The following SCGN variants were observed in gnomAD, a reference collection of about 807,000 sequenced individuals.
SCGN encodes the protein secretagogin.
In SCGN, 30 loss-of-function variants were observed where a neutral mutation model predicts 39.7. The ratio of observed to expected loss-of-function variants is 0.76; its 90% confidence interval spans 0.57 to 1.03. SCGN has a LOEUF of 1.03. Among genes scored for constraint, SCGN ranks in the 50% least tolerant of loss-of-function variants. SCGN has a pLI of 0.00. For synonymous variants in SCGN, 106 were observed against 114.1 expected, an observed-to-expected ratio of 0.93 and a Z score of 0.45; for missense variants, 353 against 349.4, an observed-to-expected ratio of 1.01 and a Z score of -0.08.
At chr6:25,681,485 T>C (rs759397019) in intron 6 of SCGN, among the ~76,000 whole-genome samples, 4 of 152,240 alleles carry the variant, frequency 2.6e-5, no homozygotes, top group African/African-American at 9.6e-5. Context: ...TCCAAATAAT[T>C]AGTTTTCCTC....
chr6:25,669,229 A>G lies in SCGN; in HGVS notation c.337-282A>G, dbSNP rs180682397. On this transcript the variant is annotated intron_variant, in intron 4 of 10. Transcript: ENST00000377961. ...GAAGTTCATCCCTTTTTATATTTCCATTCTGAGCTTTCCAAAAGGACACTT... is the reference window on the plus strand; with the variant it reads ...GAAGTTCATCCCTTTTTATATTTCCGTTCTGAGCTTTCCAAAAGGACACTT... Among the ~76,000 whole-genome samples, 224 of 151,996 alleles carry G rather than the reference A, an allele frequency of 1.5e-3. 2 individuals are homozygous for G. Among genetic ancestry groups the G allele is most frequent in the Non-Finnish European group, 2.6e-3 (175 of 67,972 alleles).
At chr6:25,700,803 T>C (rs1759902131) in intron 10 of SCGN, among the ~76,000 whole-genome samples, 1 of 152,236 alleles carries the variant, frequency 6.6e-6, no homozygotes, top group Admixed American at 6.5e-5. Context: ...TAACCATTTT[T>C]TTTTAAACCA....
At position 25,690,123 on chromosome 6, in the gene SCGN, A is replaced by T. The variant is rs1759757011; in HGVS notation, c.633+591A>T. ...GATAATTATGTGTCATGTTCTGAGC[A>T]GAAAACAGTATCACCTGGGAGAGGC... On this transcript the variant is annotated intron_variant, in intron 9 of 10. Transcript: ENST00000377961. 2.0e-5 allele frequency among the ~76,000 whole-genome samples: 3 copies of T among 152,232 alleles called. No homozygotes were observed. The South Asian group carries it at 6.2e-4, about 31-fold the overall frequency.
intron 10 of SCGN, among the ~76,000 whole-genome samples, chr6:25,698,201 A>T (rs1759862753): frequency 1.3e-5 from 2 of 152,200 alleles, no homozygotes. Flanking sequence ...TTAAAAACAT[A>T]ACTCAAAAGG....
intron 2 of SCGN, among the ~76,000 whole-genome samples, chr6:25,659,466 CT>C (rs1561760255): frequency 6.6e-6 from 1 of 152,210 alleles, no homozygotes; most frequent in East Asian, 1.9e-4. Flanking sequence ...CTGCATCACC[CT>C]TCTGGCCTGT....
intron 6 of SCGN, among the ~76,000 whole-genome samples, chr6:25,681,369 T>C (rs1582583546): frequency 6.6e-6 from 1 of 152,204 alleles, no homozygotes; most frequent in African/African-American, 2.4e-5. Context: ...AATAAAATAG[T>C]TTCAGAAAAC....
chr6:25,663,375 A>G (rs1432063202), intron 3 of SCGN, among the ~76,000 whole-genome samples: 2 of 152,234 alleles, frequency 1.3e-5, no homozygotes, highest in Non-Finnish European at 2.9e-5. Flanking sequence ...GCATGAAGTC[A>G]ATATGGTGGA....
chr6:25,683,961 G>A (rs370645202), intron 7 of SCGN, among the ~76,000 whole-genome samples: 4 of 152,152 alleles, frequency 2.6e-5, no homozygotes, highest in African/African-American at 7.2e-5. Context: ...AGTCACGATT[G>A]CCCCCTGGAC....
At chr6:25,664,022 A>G (rs571339751) in intron 3 of SCGN, among the ~76,000 whole-genome samples, 1 of 152,324 alleles carries the variant, frequency 6.6e-6, no homozygotes, top group South Asian at 2.1e-4. Flanking sequence ...AAAGAAGACA[A>G]CATACACTAC....
At chr6:25,688,447 G>T (rs1291749238) in intron 7 of SCGN, among the ~76,000 whole-genome samples, 1 of 152,158 alleles carries the variant, frequency 6.6e-6, no homozygotes, top group Non-Finnish European at 1.5e-5. Flanking sequence ...TTGCTAACGG[G>T]CTCTGTGTAT....
At chr6:25,669,624 G>A (rs571349645) in intron 5 of SCGN, 57 bp downstream of exon 5, 11 of 1,420,892 alleles carry the variant, frequency 7.7e-6, no homozygotes, top group Non-Finnish European at 1.1e-5. Flanking sequence ...TGATATGTGT[G>A]TATCATGAGT....
chr6:25,693,643 A>C (rs1312230058), intron 10 of SCGN, among the ~76,000 whole-genome samples: 1 of 134,656 alleles, frequency 7.4e-6, no homozygotes, highest in Admixed American at 7.8e-5. Context: ...GAAAACATCT[A>C]AAAGATAGGT....
rs376724492 is a variant in SCGN at position 25,680,013 on chromosome 6, A to G, written c.472-1938A>G. On this transcript the variant is annotated intron_variant, in intron 6 of 10. Coordinates refer to ENST00000377961, the MANE Select transcript of SCGN (RefSeq NM_006998.4). ...CTTGCTTCTTAAACAACCTACTTCA[A>G]TCTTTCTAAATATCAGTTTCCTTAT... Among the ~76,000 whole-genome samples the G allele has an allele frequency of 8.6e-5, 13 of 151,202 alleles. 1 individual carries two copies. The highest frequency in any genetic ancestry group is 1.2e-4 in the African/African-American group (5 of 41,260).
chr6:25,699,362 G>C (rs557276850), intron 10 of SCGN, among the ~76,000 whole-genome samples: 1 of 152,178 alleles, frequency 6.6e-6, no homozygotes, highest in South Asian at 2.1e-4. Flanking sequence ...GCCGAGGCAG[G>C]TGTGTCATCT....
At chr6:25,674,507 G>A (rs13201652) in intron 6 of SCGN, among the ~76,000 whole-genome samples, 30,615 of 152,132 alleles carry the variant, frequency 0.2, 3,437 homozygotes, top group East Asian at 0.45. Context: ...TACACCAAGC[G>A]TGAAATCACG....
chr6:25,701,277 A>T lies in SCGN; in HGVS notation c.773A>T (p.Asp258Val), dbSNP rs1759908950. 2 of 1,613,590 alleles carry T rather than the reference A, an allele frequency of 1.2e-6. No individual in the cohort carries two copies. ...ILLRHCDVNK[D>V]GKIQKSELAL... ...CTGCGTCACTGCGACGTGAACAAGG[A>T]TGGAAAAATTCAGAAGTCTGAGCTG... The change falls in exon 11 of 11, where the codon GAT becomes GTT. Residue 258 changes from aspartate (D) to valine (V), a missense_variant. Coordinates refer to ENST00000377961, the MANE Select transcript of SCGN (RefSeq NM_006998.4).
chr6:25,669,273 A>G (rs1484221056), intron 4 of SCGN, among the ~76,000 whole-genome samples: 3 of 152,122 alleles, frequency 2.0e-5, no homozygotes, highest in Non-Finnish European at 4.4e-5. Flanking sequence ...AGCCCACTCA[A>G]TGGGCTTTCA....
At chr6:25,668,082 A>G (rs1403044444) in intron 4 of SCGN, among the ~76,000 whole-genome samples, 2 of 152,200 alleles carry the variant, frequency 1.3e-5, no homozygotes, top group African/African-American at 4.8e-5. Flanking sequence ...TCAACACAGC[A>G]TCAGTATCAA....
At chr6:25,672,523 T>A (rs571933981) in intron 6 of SCGN, among the ~76,000 whole-genome samples, 23 of 152,088 alleles carry the variant, frequency 1.5e-4, no homozygotes, top group Non-Finnish European at 3.2e-4. Context: ...GAGGAGGGAC[T>A]GAGGGTACAG....
Sources: gnomAD v4.1 joint callset for allele counts (sites outside exome capture counted in the v4.1 genomes callset) on GRCh38, gnomAD v4.1.1 for gene constraint, MANE v1.5 for transcripts, NCBI Gene and HGNC (gene_info 2026-07-23, HGNC 2026-07-21) for gene names.